TBL1XR1: variants seen among roughly 807,000 people sequenced by gnomAD.
TBL1XR1 encodes TBL1X/Y related 1, also known as F-box-like/WD repeat-containing protein TBL1XR1.
TBL1XR1 carries 5 observed loss-of-function variants against 66.9 expected under a neutral mutation model. The observed-to-expected ratio is 0.07, with a 90% confidence interval of 0.04 to 0.16. The LOEUF is 0.16. Among genes scored for constraint, TBL1XR1 ranks in the 10% least tolerant of loss-of-function variants. TBL1XR1 has a pLI of 1.00. For synonymous variants in TBL1XR1, 210 were observed against 206.0 expected, an observed-to-expected ratio of 1.02 and a Z score of -0.17; for missense variants, 238 against 623.2, an observed-to-expected ratio of 0.38 and a Z score of 6.58.
intron 12 of TBL1XR1, among the ~76,000 whole-genome samples, chr3:177,036,337 A>G (rs926970724): frequency 2.0e-4 from 31 of 152,156 alleles, no homozygotes; most frequent in African/African-American, 6.5e-4. Flanking sequence ...TATCTCCTCC[A>G]TTCGCATGAC....
chr3:177,144,637 C>A (rs1361999805), intron 1 of TBL1XR1, among the ~76,000 whole-genome samples: 1 of 151,840 alleles, frequency 6.6e-6, no homozygotes, highest in Non-Finnish European at 1.5e-5. Context: ...GCCTGTAGTT[C>A]CAGCTACTCA....
chr3:177,196,932 C>T (rs556573277), intron 1 of TBL1XR1, among the ~76,000 whole-genome samples, 189 bp downstream of exon 1: 30 of 151,948 alleles, frequency 2.0e-4, no homozygotes, highest in Admixed American at 6.5e-4. Flanking sequence ...GGGATGGGGG[C>T]GCCCCAAGTG....
At chr3:177,161,210 T>C (rs1011822569) in intron 1 of TBL1XR1, among the ~76,000 whole-genome samples, 3 of 152,188 alleles carry the variant, frequency 2.0e-5, no homozygotes, top group African/African-American at 7.2e-5. Flanking sequence ...CTGACTGTTT[T>C]GCCTATCATC....
chr3:177,035,403 C>T (rs1714632310), intron 12 of TBL1XR1, among the ~76,000 whole-genome samples: 1 of 148,780 alleles, frequency 6.7e-6, no homozygotes, highest in Non-Finnish European at 1.5e-5. Context: ...ACAGTTTTGT[C>T]CCTGCCCCAA....
chr3:177,132,348 A>C (rs1026307922), intron 1 of TBL1XR1, among the ~76,000 whole-genome samples: 6 of 152,204 alleles, frequency 3.9e-5, no homozygotes, highest in African/African-American at 1.4e-4. Flanking sequence ...GGGACAATTG[A>C]ACCTCACACT....
chr3:177,089,452 T>G (rs960449817), intron 2 of TBL1XR1, among the ~76,000 whole-genome samples: 3 of 152,130 alleles, frequency 2.0e-5, no homozygotes, highest in African/African-American at 7.2e-5. Context: ...AAAAGAGACA[T>G]GTTCTACACT....
chr3:177,038,823 T>A (rs1407932331), intron 10 of TBL1XR1, among the ~76,000 whole-genome samples: 1 of 152,220 alleles, frequency 6.6e-6, no homozygotes, highest in Non-Finnish European at 1.5e-5. Context: ...GTTCTGTCAC[T>A]GCATAATTAG....
intron 1 of TBL1XR1, among the ~76,000 whole-genome samples, chr3:177,181,479 TA>T (rs11420978): frequency 1.1e-3 from 153 of 137,706 alleles, no homozygotes; most frequent in East Asian, 2.3e-3. Flanking sequence ...GACTCCGTCT[TA>T]AAAAAAAAAA....
chr3:177,131,281 A>G (rs1246106061), intron 1 of TBL1XR1: 57 of 948,924 alleles, frequency 6.0e-5, no homozygotes, highest in Non-Finnish European at 5.4e-5. Flanking sequence ...GTCAAAAGCT[A>G]TTTGCCTAAT....
Position 177,146,933 on chromosome 3 carries a change from G to A in TBL1XR1, c.-121-48392C>T, listed in dbSNP as rs564665580. Among the ~76,000 whole-genome samples the A allele has an allele frequency of 5.9e-5, 9 of 151,976 alleles. No homozygotes were observed. In the South Asian group the frequency reaches 1.5e-3, roughly 25 times the overall value. ...AACCATCATACTTTTGCATTCACAA[G>A]TATTTTATGAACATTTCCCATTTCA... is the stretch of plus-strand genomic sequence containing the variant. On this transcript the variant is annotated intron_variant, in intron 1 of 15. Transcript: ENST00000457928.
intron 1 of TBL1XR1, among the ~76,000 whole-genome samples, chr3:177,183,237 C>T (rs1735034812): frequency 6.6e-6 from 1 of 152,058 alleles, no homozygotes; most frequent in Non-Finnish European, 1.5e-5. Context: ...TTTCTAAATT[C>T]ACTGAATAAA....
chr3:177,080,628 T>A (rs1035939074), intron 2 of TBL1XR1, among the ~76,000 whole-genome samples: 1 of 152,136 alleles, frequency 6.6e-6, no homozygotes, highest in Non-Finnish European at 1.5e-5. Flanking sequence ...AGAAAAAATA[T>A]ATATTTTTTT....
intron 4 of TBL1XR1, 69 bp from the exon 5 acceptor site, chr3:177,051,795 A>T: frequency 1.5e-6 from 2 of 1,339,996 alleles, no homozygotes; most frequent in Non-Finnish European, 1.9e-6. Flanking sequence ...ATTTATACAA[A>T]ATCAGAAATG....
chr3:177,119,001 C>T (rs1274866881), intron 1 of TBL1XR1, among the ~76,000 whole-genome samples: 1 of 152,050 alleles, frequency 6.6e-6, no homozygotes, highest in East Asian at 1.9e-4. Context: ...GACGGAGTTT[C>T]ACTCTTGTAC....
intron 2 of TBL1XR1, among the ~76,000 whole-genome samples, chr3:177,094,327 G>A (rs1472741108): frequency 6.6e-6 from 1 of 152,170 alleles, no homozygotes; most frequent in Non-Finnish European, 1.5e-5. Context: ...AAAAATAATA[G>A]ATGTTGGTGT....
intron 1 of TBL1XR1, among the ~76,000 whole-genome samples, chr3:177,105,739 T>G (rs1724800843): frequency 6.6e-6 from 1 of 152,036 alleles, no homozygotes; most frequent in Non-Finnish European, 1.5e-5. Context: ...TAGGGTAGGA[T>G]CTACATCACT....
At chr3:177,112,099 A>ATTT (rs1725688513) in intron 1 of TBL1XR1, among the ~76,000 whole-genome samples, 1 of 49,198 alleles carries the variant, frequency 2.0e-5, no homozygotes, top group Non-Finnish European at 3.5e-5. Context: ...ATATATATAT[A>ATTT]TATATATATT....
At chr3:177,176,066 A>G (rs1307934355) in intron 1 of TBL1XR1, among the ~76,000 whole-genome samples, 2 of 151,440 alleles carry the variant, frequency 1.3e-5, no homozygotes, top group Non-Finnish European at 2.9e-5. Context: ...CTCTAAAAAA[A>G]AAAAAAAATT....
chr3:177,079,012 A>G (rs1391359858), intron 2 of TBL1XR1, among the ~76,000 whole-genome samples: 2 of 152,218 alleles, frequency 1.3e-5, no homozygotes, highest in Non-Finnish European at 2.9e-5. Context: ...GAGTACCGAT[A>G]CAGAAAACAA....
Sources: gnomAD v4.1 joint callset for allele counts (sites outside exome capture counted in the v4.1 genomes callset) on GRCh38, gnomAD v4.1.1 for gene constraint, MANE v1.5 for transcripts, NCBI Gene and HGNC (gene_info 2026-07-23, HGNC 2026-07-21) for gene names.